Variants in DOCK10 observed in about 807,000 individuals in gnomAD.
DOCK10 encodes dedicator of cytokinesis protein 10.
In DOCK10, 145 loss-of-function variants were observed where a neutral mutation model predicts 280.1. The ratio of observed to expected loss-of-function variants is 0.52; its 90% confidence interval spans 0.45 to 0.59. The LOEUF (loss-of-function observed/expected upper bound fraction) is 0.59, where lower values mean the gene tolerates loss of function less well. DOCK10 is among the 20% of genes least tolerant of loss of function. The pLI is 0.00. For missense variants in DOCK10, 2,368 were observed against 2,651.7 expected (o/e 0.89, Z 2.35); for synonymous variants, 915 against 942.2 (o/e 0.97, Z 0.53).
chr2:224,906,758 C>T (rs181942040), intron 3 of DOCK10, among the ~76,000 whole-genome samples: 13 of 152,330 alleles, frequency 8.5e-5, no homozygotes, highest in Middle Eastern at 3.4e-3. Flanking sequence ...GGATTACAGG[C>T]GTCAGTCACC....
chr2:225,040,583 A>G (rs922412439), intron 1 of DOCK10, among the ~76,000 whole-genome samples: 1 of 151,970 alleles, frequency 6.6e-6, no homozygotes, highest in African/African-American at 2.4e-5. Flanking sequence ...ATCTTTATAG[A>G]AATTCTAGTG....
intron 18 of DOCK10, among the ~76,000 whole-genome samples, 193 bp from the exon 19 acceptor site, chr2:224,849,792 C>A (rs1183074859): frequency 6.6e-6 from 1 of 152,152 alleles, no homozygotes; most frequent in Non-Finnish European, 1.5e-5. Flanking sequence ...ACAATGAAAG[C>A]TGCTGAAGAT....
chr2:225,042,133 G>A lies in DOCK10; in HGVS notation c.123+119C>T. The A allele has an allele frequency of 8.9e-7, 1 of 1,128,662 alleles. No homozygotes were observed. The highest frequency in any genetic ancestry group is 1.1e-6 in the Non-Finnish European group (1 of 900,884). The allele number at this position is 1,128,662 out of a possible 1,614,324, so 69.9% of individuals were successfully genotyped here. ...CAGAGGCGGCGGGGGAGGGAGTGCGGAGGAGAGGACCCGTGAGCTGCGGGG... is the reference window on the plus strand; with the variant it reads ...CAGAGGCGGCGGGGGAGGGAGTGCGAAGGAGAGGACCCGTGAGCTGCGGGG... On this transcript the variant is annotated intron_variant, in intron 1 of 55. Coordinates refer to ENST00000258390, the MANE Select transcript of DOCK10 (RefSeq NM_014689.3). This position sits in a 1 kb window ranked among gnomAD's most constrained non-coding sequence, Gnocchi z 5.1.
At chr2:224,952,753 C>T (rs1273922130) in intron 1 of DOCK10, among the ~76,000 whole-genome samples, 1 of 151,562 alleles carries the variant, frequency 6.6e-6, no homozygotes, top group Non-Finnish European at 1.5e-5. Flanking sequence ...CCACTACGCC[C>T]GGCTAATTTT....
intron 27 of DOCK10, among the ~76,000 whole-genome samples, chr2:224,827,302 G>C (rs946040084): frequency 1.3e-5 from 2 of 151,644 alleles, no homozygotes; most frequent in Non-Finnish European, 2.9e-5. Flanking sequence ...GATGATATCA[G>C]GTCTTTTCCC....
intron 22 of DOCK10, among the ~76,000 whole-genome samples, 174 bp downstream of exon 22, chr2:224,844,579 A>T (rs926814509): frequency 6.6e-6 from 1 of 152,158 alleles, no homozygotes; most frequent in African/African-American, 2.4e-5. Flanking sequence ...AGGACATTCT[A>T]TCTGTCTTGA....
chr2:224,966,286 G>GC (rs1704737640), intron 1 of DOCK10, among the ~76,000 whole-genome samples: 2 of 148,334 alleles, frequency 1.3e-5, no homozygotes, highest in East Asian at 4.0e-4. Flanking sequence ...ATTGGATGGT[G>GC]CCCCACCCCC....
chr2:224,892,151 C>T (rs1461439908), intron 4 of DOCK10, among the ~76,000 whole-genome samples: 1 of 151,960 alleles, frequency 6.6e-6, no homozygotes, highest in Non-Finnish European at 1.5e-5. Context: ...AATCCCAGCA[C>T]TTTGGGAGGC....
chr2:224,857,734 A>G (rs1395482570), intron 14 of DOCK10, among the ~76,000 whole-genome samples: 2 of 151,978 alleles, frequency 1.3e-5, no homozygotes, highest in Non-Finnish European at 2.9e-5. Context: ...TCATTACACA[A>G]TGTGTGGTCA....
intron 14 of DOCK10, chr2:224,861,621 C>T (rs1697502649): frequency 6.6e-6 from 1 of 152,236 alleles, no homozygotes; most frequent in Non-Finnish European, 1.5e-5. Context: ...ATATACATCA[C>T]TGGGAACTGT....
chr2:224,844,993 G>T (rs1196117650), intron 21 of DOCK10, among the ~76,000 whole-genome samples, 154 bp from the exon 22 acceptor site: 2 of 152,166 alleles, frequency 1.3e-5, no homozygotes, highest in African/African-American at 4.8e-5. Flanking sequence ...TAGCACTATT[G>T]GTAGATGAGA....
chr2:224,840,780 G>A (rs1486706730), intron 23 of DOCK10, among the ~76,000 whole-genome samples: 1 of 152,192 alleles, frequency 6.6e-6, no homozygotes, highest in East Asian at 1.9e-4. Flanking sequence ...CAAAGGAAAT[G>A]AGATCAGTAT....
At chr2:224,866,252 C>A (rs1697904155) in intron 11 of DOCK10, among the ~76,000 whole-genome samples, 1 of 152,116 alleles carries the variant, frequency 6.6e-6, no homozygotes, top group Non-Finnish European at 1.5e-5. Context: ...AGGTTTTTGG[C>A]CTTTTAAAGA....
intron 1 of DOCK10, among the ~76,000 whole-genome samples, chr2:224,963,232 A>T (rs953148440): frequency 1.3e-5 from 2 of 152,166 alleles, no homozygotes; most frequent in Non-Finnish European, 1.5e-5. Flanking sequence ...CACGTTTAAG[A>T]CCATGTCTTT....
At chr2:224,988,059 T>A (rs1466557728) in intron 1 of DOCK10, among the ~76,000 whole-genome samples, 1 of 152,140 alleles carries the variant, frequency 6.6e-6, no homozygotes, top group African/African-American at 2.4e-5. Context: ...TGGCCCATAA[T>A]TATTCAGTGA....
At chr2:224,824,287 G>A (rs1376550452) in intron 27 of DOCK10, among the ~76,000 whole-genome samples, 1 of 152,118 alleles carries the variant, frequency 6.6e-6, no homozygotes, top group South Asian at 2.1e-4. Context: ...GGGCTTGGCT[G>A]TGAGATGACA....
intron 55 of DOCK10, among the ~76,000 whole-genome samples, chr2:224,768,119 G>A (rs1034174423): frequency 3.3e-5 from 5 of 152,010 alleles, no homozygotes; most frequent in South Asian, 2.1e-4. Flanking sequence ...GTTTCACCAT[G>A]TTGGCCAAGC....
intron 1 of DOCK10, among the ~76,000 whole-genome samples, chr2:225,031,392 G>A (rs1007599880): frequency 3.9e-5 from 6 of 152,200 alleles, no homozygotes; most frequent in Non-Finnish European, 5.9e-5. Context: ...GGTTGATGAC[G>A]AACTGTGGAA....
At chr2:224,941,322 C>T (rs1162680926) in intron 1 of DOCK10, among the ~76,000 whole-genome samples, 1 of 151,994 alleles carries the variant, frequency 6.6e-6, no homozygotes, top group African/African-American at 2.4e-5. Context: ...CTCCACTCCA[C>T]TCTACCAGCA....
Sources: gnomAD v4.1 joint callset for allele counts (sites outside exome capture counted in the v4.1 genomes callset) on GRCh38, gnomAD v4.1.1 for gene constraint, Gnocchi (gnomAD v3.1) non-coding constraint, MANE v1.5 for transcripts, NCBI Gene and HGNC (gene_info 2026-07-23, HGNC 2026-07-21) for gene names.